ZNF618: variants seen among roughly 807,000 people sequenced by gnomAD.
ZNF618 encodes the protein zinc finger protein 618.
A neutral mutation model predicts 103.0 loss-of-function variants in ZNF618; 34 were observed. That is an observed-to-expected ratio of 0.33 (90% confidence interval 0.25 to 0.44). The LOEUF (loss-of-function observed/expected upper bound fraction) is 0.44. Ranked by LOEUF, ZNF618 falls within the 20% of genes least tolerant of loss-of-function variation. The pLI is 1.00. For synonymous variants in ZNF618, 551 were observed against 542.2 expected, an observed-to-expected ratio of 1.02 and a Z score of -0.23; for missense variants, 1,059 against 1,295.4, an observed-to-expected ratio of 0.82 and a Z score of 2.80.
At chr9:113,916,374 G>A (rs1832079598) in intron 1 of ZNF618, among the ~76,000 whole-genome samples, 1 of 152,112 alleles carries the variant, frequency 6.6e-6, no homozygotes. Flanking sequence ...TGCCTTCGTG[G>A]TCCTGATGAT....
chr9:113,984,654 T>G (rs1035324398), intron 2 of ZNF618, among the ~76,000 whole-genome samples: 1 of 152,196 alleles, frequency 6.6e-6, no homozygotes, highest in Non-Finnish European at 1.5e-5. Flanking sequence ...TTCAGAACAC[T>G]GGCTGTGAAG....
intron 1 of ZNF618, among the ~76,000 whole-genome samples, chr9:113,909,419 C>T (rs944902972): frequency 1.3e-5 from 2 of 152,178 alleles, no homozygotes; most frequent in Admixed American, 6.5e-5. Context: ...CAGACCATGG[C>T]TGCGCTCTGT....
chr9:113,880,072 T>G (rs1189048242), intron 1 of ZNF618, among the ~76,000 whole-genome samples: 1 of 152,152 alleles, frequency 6.6e-6, no homozygotes, highest in Non-Finnish European at 1.5e-5. Context: ...TTTTTCTCAC[T>G]TTTGACTCAG....
intron 1 of ZNF618, among the ~76,000 whole-genome samples, chr9:113,915,987 A>G (rs963875476): frequency 1.3e-5 from 2 of 152,146 alleles, no homozygotes; most frequent in Admixed American, 6.5e-5. Context: ...TATCACATTT[A>G]TCTTTATGGC....
rs757782164 is a variant in ZNF618 at position 114,050,063 on chromosome 9, G to C, written c.2761G>C (p.Gly921Arg). The change falls in exon 15 of 15, where the codon GGG becomes CGG. Residue 921 changes from glycine (G) to arginine (R), a missense_variant. Physicochemically the swap from Gly to Arg is moderately radical, Grantham distance 125. This residue lies in a region of ZNF618 where 156 missense variants were observed against 197.1 expected (regional missense o/e 0.79). Coordinates refer to ENST00000374126, the MANE Select transcript of ZNF618 (RefSeq NM_001318042.2). ...LAVPAVGARS[G>R]CVNMCEQALL... Reference sequence around the variant, plus strand: ...GGTTCCGGCCGTGGGCGCCAGAAGCGGGTGTGTAAATATGTGTGAACAAGC... The same window carrying C: ...GGTTCCGGCCGTGGGCGCCAGAAGCCGGTGTGTAAATATGTGTGAACAAGC... The C allele has an allele frequency of 6.2e-7, 1 of 1,613,550 alleles. No homozygotes were observed. The highest frequency in any genetic ancestry group is 8.5e-7 in the Non-Finnish European group (1 of 1,179,896).
intron 1 of ZNF618, among the ~76,000 whole-genome samples, chr9:113,912,355 C>G (rs945404625): frequency 3.3e-5 from 5 of 152,078 alleles, no homozygotes; most frequent in African/African-American, 9.7e-5. Flanking sequence ...GCAACTCAGG[C>G]CTGGCAGATG....
Position 114,047,805 on chromosome 9 carries a change from T to C in ZNF618, c.1247-88T>C, listed in dbSNP as rs1845789469. 7 of 1,147,890 alleles carry C rather than the reference T, an allele frequency of 6.1e-6. No individual in the cohort carries two copies. The South Asian group carries it at 1.0e-4, about 16-fold the overall frequency. The allele number at this position is 1,147,890 out of a possible 1,614,324, so 71.1% of individuals were successfully genotyped here. ...CTGAGTCCCAATGGCCACATTCTGC[T>C]GTTACCCACCACACTCTAGTTCTCA... On this transcript the variant is annotated intron_variant, in intron 13 of 14. Transcript: ENST00000374126.
At chr9:114,046,455 A>G (rs1247313578) in intron 13 of ZNF618, among the ~76,000 whole-genome samples, 4 of 152,238 alleles carry the variant, frequency 2.6e-5, no homozygotes, top group Non-Finnish European at 5.9e-5. Flanking sequence ...GCCTAGGTGT[A>G]TAATAGGATA....
chr9:113,934,287 G>A (rs1564187931), intron 1 of ZNF618, among the ~76,000 whole-genome samples: 1 of 152,100 alleles, frequency 6.6e-6, no homozygotes, highest in African/African-American at 2.4e-5. Context: ...GGAAGTTAGA[G>A]GGTCCATGCT....
At chr9:113,924,996 G>A (rs781117439) in intron 1 of ZNF618, among the ~76,000 whole-genome samples, 9 of 151,796 alleles carry the variant, frequency 5.9e-5, no homozygotes, top group Non-Finnish European at 1.3e-4. Context: ...TGTGTATTGT[G>A]GTGTTGTTGG....
At chr9:113,951,892 C>G (rs1310804443) in intron 1 of ZNF618, among the ~76,000 whole-genome samples, 1 of 152,024 alleles carries the variant, frequency 6.6e-6, no homozygotes, top group Non-Finnish European at 1.5e-5. Context: ...CAAGTTGCCA[C>G]CGCAAAGCCT....
At chr9:113,935,268 G>GCC (rs1186093519) in intron 1 of ZNF618, among the ~76,000 whole-genome samples, 1 of 152,204 alleles carries the variant, frequency 6.6e-6, no homozygotes, top group African/African-American at 2.4e-5. Flanking sequence ...GATGGACATT[G>GCC]CCCCCCACTT....
intron 1 of ZNF618, among the ~76,000 whole-genome samples, chr9:113,947,166 AAG>A (rs1835112743): frequency 6.6e-6 from 1 of 152,150 alleles, no homozygotes; most frequent in South Asian, 2.1e-4. Flanking sequence ...GCTCTCGACA[AAG>A]AATCTGTCTT....
At chr9:113,923,403 G>T (rs567788157) in intron 1 of ZNF618, among the ~76,000 whole-genome samples, 1 of 152,114 alleles carries the variant, frequency 6.6e-6, no homozygotes, top group Non-Finnish European at 1.5e-5. Context: ...GTTTCTCTCC[G>T]TTAAATATGA....
chr9:113,916,025 C>G (rs1397809532), intron 1 of ZNF618, among the ~76,000 whole-genome samples: 1 of 152,006 alleles, frequency 6.6e-6, no homozygotes, highest in African/African-American at 2.4e-5. Context: ...ATAGTATTAT[C>G]TCTTTGTGCT....
intron 2 of ZNF618, among the ~76,000 whole-genome samples, chr9:113,981,424 T>C (rs757391089): frequency 2.0e-5 from 3 of 152,146 alleles, no homozygotes; most frequent in Non-Finnish European, 2.9e-5. Flanking sequence ...CCCTGCTCAC[T>C]CATTGTGCAC....
intron 2 of ZNF618, among the ~76,000 whole-genome samples, chr9:113,970,228 T>C (rs974846789): frequency 2.9e-5 from 4 of 135,918 alleles, no homozygotes; most frequent in Non-Finnish European, 6.3e-5. Flanking sequence ...ATGGGACCCC[T>C]TTTTTTTTGA....
At chr9:114,001,083 A>T (rs4979317) in intron 4 of ZNF618, among the ~76,000 whole-genome samples, 1 of 152,068 alleles carries the variant, frequency 6.6e-6, no homozygotes, top group Non-Finnish European at 1.5e-5. Context: ...GCTGATTTAG[A>T]TGGGGAGCAG....
chr9:114,056,174 T>C lies in ZNF618; in HGVS notation c.*6007T>C, dbSNP rs1414642338. The C allele has an allele frequency of 6.6e-6, 1 of 152,370 alleles. No homozygotes were observed. The highest frequency in any genetic ancestry group is 6.5e-5 in the Admixed American group (1 of 15,268). The allele number at this position is 152,370 out of a possible 1,614,324, so 9.4% of individuals were successfully genotyped here. A position where few individuals can be genotyped will look rare whatever the true frequency, so the allele number is the denominator to read the frequency against. On this transcript the variant is annotated 3_prime_UTR_variant, in exon 15 of 15. Coordinates refer to ENST00000374126, the MANE Select transcript of ZNF618 (RefSeq NM_001318042.2). ...TATTTAGGGTTTTCTGTTTGTCCTT[T>C]GGGTTTTTGTTTCACTTTGTTTTGG...
Sources: allele counts gnomAD v4.1 joint callset (sites outside exome capture counted in the v4.1 genomes callset), GRCh38; gene constraint gnomAD v4.1.1; regional missense constraint gnomAD v4.1.1; transcripts MANE v1.5; gene names NCBI Gene and HGNC (gene_info 2026-07-23, HGNC 2026-07-21).